Variants in EPB41 observed in about 807,000 individuals in gnomAD.
EPB41 encodes the protein erythrocyte membrane protein band 4.1.
In EPB41, 65 loss-of-function variants were observed where a neutral mutation model predicts 108.0. That is an observed-to-expected ratio of 0.60 (90% CI 0.49 to 0.74). The LOEUF (loss-of-function observed/expected upper bound fraction) is 0.74. EPB41 is among the 30% of genes least tolerant of loss of function. The probability of loss-of-function intolerance (pLI) is 0.00; values close to 1 mark genes in which losing one functional copy is unlikely to be tolerated. For missense variants in EPB41, 875 were observed against 1,037.0 expected (o/e 0.84, Z 2.15); for synonymous variants, 336 against 358.9 (o/e 0.94, Z 0.72).
At chr1:29,096,243 A>G in intron 16 of EPB41, 2 of 985,876 alleles carry the variant, frequency 2.0e-6, no homozygotes, top group Non-Finnish European at 2.4e-6. Flanking sequence ...GGTCCCAAGC[A>G]TTCGGTAGTT....
intron 1 of EPB41, among the ~76,000 whole-genome samples, chr1:28,928,210 C>G (rs2093558091): frequency 6.6e-6 from 1 of 151,910 alleles, no homozygotes; most frequent in Non-Finnish European, 1.5e-5. Context: ...CTTACTTGAC[C>G]CACAACACAT....
chr1:28,933,675 C>T (rs1323409555), intron 1 of EPB41, among the ~76,000 whole-genome samples: 1 of 152,072 alleles, frequency 6.6e-6, no homozygotes, highest in African/African-American at 2.4e-5. Flanking sequence ...GAGTATCGGC[C>T]AGGTGTTTTA....
chr1:28,901,643 C>T (rs1010599269), intron 1 of EPB41, among the ~76,000 whole-genome samples: 2 of 152,066 alleles, frequency 1.3e-5, no homozygotes, highest in Non-Finnish European at 2.9e-5. Context: ...AAGGGATTCT[C>T]CTGTCTCAGC....
Position 29,088,195 on chromosome 1 carries a change from C to T in EPB41, c.2185-9612C>T, listed in dbSNP as rs772756124. Among the ~76,000 whole-genome samples the T allele has an allele frequency of 6.6e-5, 10 of 151,908 alleles. No individual in the cohort carries two copies. In the East Asian group the frequency reaches 1.6e-3, roughly 24 times the overall value. ...TTGAGTAGCTGGGATTACAGGCGTGCGCTACCACGCCTGGCTAATTTTTGT... is the reference window on the plus strand; with the variant it reads ...TTGAGTAGCTGGGATTACAGGCGTGTGCTACCACGCCTGGCTAATTTTTGT... On this transcript the variant is annotated intron_variant, in intron 16 of 20. Coordinates refer to ENST00000343067, the MANE Select transcript of EPB41 (RefSeq NM_001376013.1).
rs2089558226 is a variant in EPB41, at chr1:28,887,518, T to C, written c.-8+308T>C. ...TCCTGGCTGTCTGGGGCGGGGGTCC[T>C]GCATTCGGTGTCCGCGGGAGAGTCC... is the stretch of plus-strand genomic sequence containing the variant. On this transcript the variant is annotated intron_variant, in intron 1 of 16. Coordinates refer to the EPB41 transcript ENST00000347529. This position sits in a 1 kb window ranked among gnomAD's most constrained non-coding sequence, Gnocchi z 4.9. 3.0e-6 allele frequency: 3 copies of C among 985,162 alleles called. No homozygotes were observed. The highest frequency in any genetic ancestry group is 1.1e-4 in the East Asian group (1 of 8,748). The allele number at this position is 985,162 out of a possible 1,614,324, so 61.0% of individuals were successfully genotyped here.
At chr1:29,042,874 A>G (rs1013347831) in intron 11 of EPB41, among the ~76,000 whole-genome samples, 1 of 152,158 alleles carries the variant, frequency 6.6e-6, no homozygotes, top group Admixed American at 6.5e-5. Context: ...TGAAAACACT[A>G]TGAACTAGGC....
At chr1:29,005,323 T>A (rs2096381203) in intron 4 of EPB41, among the ~76,000 whole-genome samples, 1 of 152,094 alleles carries the variant, frequency 6.6e-6, no homozygotes, top group Non-Finnish European at 1.5e-5. Flanking sequence ...GGGGGAAATC[T>A]ACCCCCATGA....
At chr1:29,049,643 A>T (rs1644141759) in intron 11 of EPB41, among the ~76,000 whole-genome samples, 1 of 152,198 alleles carries the variant, frequency 6.6e-6, no homozygotes, top group African/African-American at 2.4e-5. Context: ...AGTAAATAAC[A>T]GCTAGAAGTA....
intron 1 of EPB41, chr1:28,890,005 ATTTTATTTTTAT>A (rs145496390): frequency 0.53 from 80,683 of 151,478 alleles, 22,562 homozygotes; most frequent in East Asian, 0.79. Flanking sequence ...CTGATATTTT[ATTTTATTTTTAT>A]TTTTATTTTT....
intron 1 of EPB41, among the ~76,000 whole-genome samples, chr1:28,950,993 G>A (rs2094697650): frequency 6.6e-6 from 1 of 152,032 alleles, no homozygotes; most frequent in South Asian, 2.1e-4. Context: ...GTGCCACTAC[G>A]CCTGGCTAAT....
chr1:28,896,896 G>C (rs1243556044), intron 1 of EPB41, among the ~76,000 whole-genome samples: 2 of 152,204 alleles, frequency 1.3e-5, no homozygotes, highest in Admixed American at 1.3e-4. Flanking sequence ...CCAGAGAGGA[G>C]AGGAGAGGGC....
chr1:28,917,695 C>T (rs1449415652), intron 1 of EPB41, among the ~76,000 whole-genome samples: 2 of 152,122 alleles, frequency 1.3e-5, no homozygotes, highest in African/African-American at 4.8e-5. Flanking sequence ...ATTCTCCCAC[C>T]TGAGCCTCCT....
chr1:28,939,725 G>A (rs1280501460), intron 1 of EPB41, among the ~76,000 whole-genome samples: 2 of 152,204 alleles, frequency 1.3e-5, no homozygotes, highest in Non-Finnish European at 2.9e-5. Flanking sequence ...TTACAGGCGT[G>A]AGCCATCGCA....
intron 11 of EPB41, among the ~76,000 whole-genome samples, chr1:29,039,908 G>A (rs988455425): frequency 6.6e-6 from 1 of 152,168 alleles, no homozygotes; most frequent in African/African-American, 2.4e-5. Flanking sequence ...TTGAGATTCC[G>A]AGAGTAGTGA....
intron 1 of EPB41, among the ~76,000 whole-genome samples, chr1:28,894,392 G>C (rs1360775175): frequency 1.3e-5 from 2 of 152,218 alleles, no homozygotes; most frequent in East Asian, 3.8e-4. Context: ...GGCCCAGCAT[G>C]ATAGGGGCTC....
At chr1:28,948,094 A>G (rs2094551631) in intron 1 of EPB41, among the ~76,000 whole-genome samples, 1 of 152,120 alleles carries the variant, frequency 6.6e-6, no homozygotes, top group Non-Finnish European at 1.5e-5. Context: ...TATCTAATAT[A>G]TCTCAAATCA....
chr1:28,895,765 G>A (rs2090596490), intron 1 of EPB41, among the ~76,000 whole-genome samples: 1 of 152,176 alleles, frequency 6.6e-6, no homozygotes, highest in Admixed American at 6.5e-5. Flanking sequence ...TGGGATTATA[G>A]GTGTGAGCCA....
chr1:28,957,831 A>G lies in EPB41; in HGVS notation c.-7-29600A>G, dbSNP rs1225787457. Among the ~76,000 whole-genome samples, 5 of 152,110 alleles carry G rather than the reference A, an allele frequency of 3.3e-5. No homozygotes were observed. In the South Asian group the frequency reaches 6.2e-4, roughly 19 times the overall value. ...TTTTATGAACCTGTGCTTCTCCTCCAATTCCTTATACCGTCTTCATACTCC... is the reference window on the plus strand; with the variant it reads ...TTTTATGAACCTGTGCTTCTCCTCCGATTCCTTATACCGTCTTCATACTCC... On this transcript the variant is annotated intron_variant, in intron 1 of 20. Coordinates refer to ENST00000343067, the MANE Select transcript of EPB41 (RefSeq NM_001376013.1).
chr1:29,112,312 T>C (rs567562050), intron 18 of EPB41, 56 bp from the exon 19 acceptor site: 325 of 1,479,272 alleles, frequency 2.2e-4, no homozygotes, highest in Non-Finnish European at 2.9e-4. Context: ...CTTTTTCTTT[T>C]TTTTTAATTC....
Sources: gnomAD v4.1 joint callset for allele counts (sites outside exome capture counted in the v4.1 genomes callset) on GRCh38, gnomAD v4.1.1 for gene constraint, Gnocchi (gnomAD v3.1) non-coding constraint, MANE v1.5 for transcripts, NCBI Gene and HGNC (gene_info 2026-07-23, HGNC 2026-07-21) for gene names.